The following CAMKMT variants were observed in gnomAD, a reference collection of about 807,000 sequenced individuals.
CAMKMT encodes the protein CaM KMT.
CAMKMT carries 53 observed loss-of-function variants against 48.0 expected under a neutral mutation model. The observed-to-expected ratio is 1.10, with a 90% CI of 0.89 to 1.39. The LOEUF (loss-of-function observed/expected upper bound fraction) is 1.39. CAMKMT is among the 40% of genes most tolerant of loss of function. The pLI is 0.00. For missense variants in CAMKMT, 428 were observed against 402.7 expected, an observed-to-expected ratio of 1.06 and a Z score of -0.54; for synonymous variants, 165 against 152.3, an observed-to-expected ratio of 1.08 and a Z score of -0.61.
intron 6 of CAMKMT, among the ~76,000 whole-genome samples, chr2:44,714,122 A>G (rs1326497431): frequency 6.6e-6 from 1 of 152,198 alleles, no homozygotes; most frequent in African/African-American, 2.4e-5. Context: ...AATATGATGA[A>G]GCCAGGAATA....
At chr2:44,616,191 C>G (rs1275613712) in intron 3 of CAMKMT, among the ~76,000 whole-genome samples, 2 of 152,198 alleles carry the variant, frequency 1.3e-5, no homozygotes, top group Admixed American at 6.5e-5. Context: ...TGCCGGTGCC[C>G]TGCTTTCATT....
At chr2:44,683,329 A>G (rs1267605477) in intron 3 of CAMKMT, among the ~76,000 whole-genome samples, 1 of 152,218 alleles carries the variant, frequency 6.6e-6, no homozygotes, top group East Asian at 1.9e-4. Context: ...TCTCCACAAG[A>G]TGCAAACTCA....
chr2:44,711,741 A>G lies in CAMKMT; in HGVS notation c.557-3546A>G, dbSNP rs1677889141. Among the ~76,000 whole-genome samples, 4 of 152,318 alleles carry G rather than the reference A, an allele frequency of 2.6e-5. No individual in the cohort carries two copies. In the South Asian group the frequency reaches 8.3e-4, roughly 32 times the overall value. ...CCTGAATTATACACTAAGATAATGA[A>G]TTGACGTGAATTGGGCACCTACTGT... On this transcript the variant is annotated intron_variant, in intron 6 of 10. Coordinates refer to ENST00000378494, the MANE Select transcript of CAMKMT (RefSeq NM_024766.5).
chr2:44,542,301 A>G (rs1052509736), intron 3 of CAMKMT, among the ~76,000 whole-genome samples: 1 of 152,200 alleles, frequency 6.6e-6, no homozygotes, highest in Non-Finnish European at 1.5e-5. Flanking sequence ...TTGTCATTGT[A>G]CAAATAAATG....
chr2:44,701,646 A>G (rs955545129), intron 3 of CAMKMT, among the ~76,000 whole-genome samples: 53 of 152,194 alleles, frequency 3.5e-4, no homozygotes, highest in African/African-American at 1.3e-3. Context: ...AACCACAATT[A>G]CTTTTGCATC....
chr2:44,689,329 C>T (rs1056741715), intron 3 of CAMKMT, among the ~76,000 whole-genome samples: 3 of 150,024 alleles, frequency 2.0e-5, no homozygotes, highest in African/African-American at 2.5e-5. Context: ...GGGAGAGTCT[C>T]GCTCTGTTGC....
At chr2:44,525,133 T>G (rs147093434) in intron 3 of CAMKMT, among the ~76,000 whole-genome samples, 1 of 152,280 alleles carries the variant, frequency 6.6e-6, no homozygotes, top group East Asian at 1.9e-4. Context: ...TTATATAAAT[T>G]TTATAGGTTA....
chr2:44,545,236 C>T (rs765751366), intron 3 of CAMKMT, among the ~76,000 whole-genome samples: 2 of 152,206 alleles, frequency 1.3e-5, no homozygotes, highest in East Asian at 1.9e-4. Flanking sequence ...TTCTGCAAAC[C>T]ACCATTAGCA....
intron 3 of CAMKMT, among the ~76,000 whole-genome samples, chr2:44,439,661 AC>A (rs1182189826): frequency 7.9e-5 from 12 of 151,656 alleles, no homozygotes; most frequent in African/African-American, 2.4e-4. Context: ...ACACGGTGAA[AC>A]CCCGTCTCTA....
intron 1 of CAMKMT, among the ~76,000 whole-genome samples, chr2:44,363,579 C>A (rs1678234325): frequency 6.6e-6 from 1 of 151,470 alleles, no homozygotes; most frequent in Admixed American, 6.6e-5. Flanking sequence ...GGGGTTTCTC[C>A]ATGTTTGTCA....
chr2:44,743,049 T>A (rs577531795), intron 7 of CAMKMT, among the ~76,000 whole-genome samples: 4 of 152,218 alleles, frequency 2.6e-5, no homozygotes, highest in Non-Finnish European at 5.9e-5. Flanking sequence ...TTGTTATTAA[T>A]GTGAAGTTTT....
intron 3 of CAMKMT, among the ~76,000 whole-genome samples, chr2:44,581,141 A>G (rs1669535087): frequency 6.6e-6 from 1 of 152,140 alleles, no homozygotes; most frequent in African/African-American, 2.4e-5. Context: ...TATGTTTCCG[A>G]TGAGATCAAA....
chr2:44,602,758 A>C (rs1392003880), intron 3 of CAMKMT, among the ~76,000 whole-genome samples: 1 of 152,040 alleles, frequency 6.6e-6, no homozygotes, highest in Non-Finnish European at 1.5e-5. Flanking sequence ...TCCCTCACAA[A>C]CATGAGAATA....
chr2:44,711,125 T>C (rs939862363), intron 6 of CAMKMT, among the ~76,000 whole-genome samples: 2 of 152,230 alleles, frequency 1.3e-5, no homozygotes, highest in Non-Finnish European at 1.5e-5. Flanking sequence ...AGATGGTTAA[T>C]AACACGGAAA....
At chr2:44,711,063 A>G (rs1677851409) in intron 6 of CAMKMT, among the ~76,000 whole-genome samples, 1 of 152,168 alleles carries the variant, frequency 6.6e-6, no homozygotes. Context: ...ACAATCCCTG[A>G]CTTGAGTAAC....
chr2:44,501,028 A>G (rs929556219), intron 3 of CAMKMT, among the ~76,000 whole-genome samples: 1 of 149,742 alleles, frequency 6.7e-6, no homozygotes, highest in Non-Finnish European at 1.5e-5. Flanking sequence ...TTTTGTTAGC[A>G]ATTTCTTAGC....
At chr2:44,636,372 A>G (rs1392610292) in intron 3 of CAMKMT, among the ~76,000 whole-genome samples, 1 of 152,228 alleles carries the variant, frequency 6.6e-6, no homozygotes, top group Non-Finnish European at 1.5e-5. Flanking sequence ...CCAGATGTGC[A>G]AGAGTTTGGA....
At chr2:44,402,497 A>T (rs1445914059) in intron 3 of CAMKMT, among the ~76,000 whole-genome samples, 1 of 151,956 alleles carries the variant, frequency 6.6e-6, no homozygotes, top group Admixed American at 6.6e-5. Flanking sequence ...TGTTATTCCC[A>T]TTATTCCAAT....
chr2:44,688,636 G>A (rs1276154285), intron 3 of CAMKMT, among the ~76,000 whole-genome samples: 1 of 152,078 alleles, frequency 6.6e-6, no homozygotes, highest in Non-Finnish European at 1.5e-5. Context: ...ATGTAAATTT[G>A]CTGAGTAGTG....
Sources: allele counts gnomAD v4.1 joint callset (sites outside exome capture counted in the v4.1 genomes callset), GRCh38; gene constraint gnomAD v4.1.1; transcripts MANE v1.5; gene names NCBI Gene and HGNC (gene_info 2026-07-23, HGNC 2026-07-21).